The following QKI variants were observed in gnomAD, a reference collection of about 807,000 sequenced individuals.
QKI encodes the protein KH domain-containing RNA-binding protein QKI.
Under a neutral mutation model 39.0 loss-of-function variants are expected in QKI, and 10 were observed. The observed-to-expected ratio is 0.26, with a 90% CI of 0.16 to 0.43. QKI has a LOEUF of 0.43. Among genes scored for constraint, QKI ranks in the 20% least tolerant of loss-of-function variants. QKI has a pLI of 1.00. For missense variants in QKI, 218 were observed against 428.0 expected (o/e 0.51, Z 4.33); for synonymous variants, 204 against 155.4 (o/e 1.31, Z -2.33).
In QKI at chr6:163,501,216, C is replaced by G. The variant is rs1778736949; in HGVS notation, c.402+22320C>G. ...CACTCAAAGTGCTCCCCACCCAACA[C>G]TGGCATGGACTGCTCACTAGGTGGC... On this transcript the variant is annotated intron_variant, in intron 3 of 7. Coordinates refer to ENST00000361752, the MANE Select transcript of QKI (RefSeq NM_006775.3). Among the ~76,000 whole-genome samples the G allele has an allele frequency of 2.0e-5, 3 of 151,796 alleles. No individual in the cohort carries two copies. In the South Asian group the frequency reaches 6.2e-4, roughly 32 times the overall value.
At chr6:163,562,767 T>A (rs1435132038) in intron 5 of QKI, among the ~76,000 whole-genome samples, 2 of 152,192 alleles carry the variant, frequency 1.3e-5, no homozygotes, top group Non-Finnish European at 2.9e-5. Context: ...ATTTTTAAGT[T>A]CTAGCCAGAT....
Position 163,570,754 on chromosome 6 carries a change from T to C in QKI, c.*44T>C. 6.2e-7 allele frequency: 1 copy of C among 1,609,364 alleles called. No homozygotes were observed. Among genetic ancestry groups the C allele is most frequent in the South Asian group, 1.1e-5 (1 of 90,144 alleles). On this transcript the variant is annotated 3_prime_UTR_variant, in exon 8 of 8. Transcript: ENST00000361752. ...CTGAACTCTTCACCCAATGATGACC[T>C]GACCATGCCTGCCTGCTGATCAGTT...
At chr6:163,427,897 C>T (rs1239923103) in intron 1 of QKI, among the ~76,000 whole-genome samples, 3 of 151,914 alleles carry the variant, frequency 2.0e-5, no homozygotes. Context: ...GTAGGGGAAA[C>T]CTCATAGGTA....
intron 2 of QKI, 86 bp downstream of exon 2, chr6:163,455,507 T>TTA: frequency 7.6e-7 from 1 of 1,315,448 alleles, no homozygotes; most frequent in Non-Finnish European, 1.0e-6. Flanking sequence ...TACTTAAGCA[T>TTA]TATTAGCCAC....
chr6:163,486,323 A>C (rs1350517232), intron 3 of QKI, among the ~76,000 whole-genome samples: 2 of 152,202 alleles, frequency 1.3e-5, no homozygotes, highest in Non-Finnish European at 2.9e-5. Flanking sequence ...TTGTTTCCCA[A>C]ATGTATTTGG....
chr6:163,484,371 T>C (rs1317863541), intron 3 of QKI, among the ~76,000 whole-genome samples: 1 of 152,118 alleles, frequency 6.6e-6, no homozygotes, highest in African/African-American at 2.4e-5. Context: ...AGCTAATTTT[T>C]TGTATTTTTA....
intron 1 of QKI, among the ~76,000 whole-genome samples, chr6:163,449,393 A>G (rs573620809): frequency 1.1e-4 from 16 of 152,224 alleles, no homozygotes; most frequent in Non-Finnish European, 1.8e-4. Flanking sequence ...CTCTAGTACA[A>G]TGATAAGGCA....
intron 3 of QKI, among the ~76,000 whole-genome samples, chr6:163,494,209 G>A (rs1031148534): frequency 6.6e-6 from 1 of 152,100 alleles, no homozygotes; most frequent in Non-Finnish European, 1.5e-5. Context: ...AATGATTTAC[G>A]TAGTCTTTGC....
intron 4 of QKI, among the ~76,000 whole-genome samples, chr6:163,535,943 G>T (rs868809716): frequency 6.6e-6 from 1 of 151,860 alleles, no homozygotes; most frequent in African/African-American, 2.4e-5. Context: ...AAAAAGAAAA[G>T]AAAAAACTAG....
At position 163,557,992 on chromosome 6, in the gene QKI, G is replaced by GCT. The variant is rs573642361; in HGVS notation, c.547-3990_547-3989insCT. Among the ~76,000 whole-genome samples, 7 of 152,268 alleles carry GCT rather than the reference G, an allele frequency of 4.6e-5. No individual in the cohort carries two copies. In the South Asian group the frequency reaches 1.5e-3, roughly 32 times the overall value. On this transcript the variant is annotated intron_variant, in intron 4 of 7. Coordinates refer to ENST00000361752, the MANE Select transcript of QKI (RefSeq NM_006775.3). ...ACTTGAGTTCAGTATTACAAAATAT[G>GCT]ATTTTAATGACCCATTTTACAAATG...
rs563335411 is a variant in QKI, at chr6:163,557,818, TA to T, written c.547-4151del. Among the ~76,000 whole-genome samples, 883 of 142,014 alleles carry T rather than the reference TA, an allele frequency of 6.2e-3. 4 individuals are homozygous for T. The highest frequency in any genetic ancestry group is 0.015 in the African/African-American group (578 of 39,460). 93.2% of individuals were successfully genotyped at this position (142,014 alleles called of 152,430 possible). On this transcript the variant is annotated intron_variant, in intron 4 of 7. Transcript: ENST00000361752. ...CACCTACTGTGTGCCCACAAAAACTTAAAAAAAAAAAAAGAAATATCGTGAC... is the reference window on the plus strand; with the variant it reads ...CACCTACTGTGTGCCCACAAAAACTTAAAAAAAAAAAAGAAATATCGTGAC...
intron 3 of QKI, among the ~76,000 whole-genome samples, chr6:163,528,489 T>A (rs1358467550): frequency 6.6e-6 from 1 of 152,146 alleles, no homozygotes; most frequent in South Asian, 2.1e-4. Context: ...CTTGACTAAA[T>A]CATGTTAAAT....
chr6:163,569,051 AAC>A, intron 7 of QKI: 1 of 970,350 alleles, frequency 1.0e-6, no homozygotes, highest in African/African-American at 1.8e-5. Context: ...AGAAACTTTA[AAC>A]AGTTTTAATC....
At chr6:163,481,138 A>T (rs1174128069) in intron 3 of QKI, among the ~76,000 whole-genome samples, 1 of 152,256 alleles carries the variant, frequency 6.6e-6, no homozygotes, top group East Asian at 1.9e-4. Flanking sequence ...TGATGTAAGT[A>T]ATAAAGATAG....
chr6:163,435,772 G>C (rs935530540), intron 1 of QKI, among the ~76,000 whole-genome samples: 1 of 152,106 alleles, frequency 6.6e-6, no homozygotes, highest in African/African-American at 2.4e-5. Flanking sequence ...CAATCTTAAA[G>C]GATATAGAAT....
intron 2 of QKI, among the ~76,000 whole-genome samples, chr6:163,473,896 A>C (rs970641228): frequency 1.4e-4 from 20 of 146,848 alleles, no homozygotes; most frequent in Admixed American, 5.6e-4. Context: ...ATTGTGGGCC[A>C]GTTCTATTTA....
chr6:163,556,144 G>A (rs1324089371), intron 4 of QKI, among the ~76,000 whole-genome samples: 1 of 152,164 alleles, frequency 6.6e-6, no homozygotes, highest in African/African-American at 2.4e-5. Context: ...TAGTGTCTAA[G>A]TCTAGAAAAG....
chr6:163,454,883 A>G (rs1317886187), intron 1 of QKI, among the ~76,000 whole-genome samples: 1 of 152,218 alleles, frequency 6.6e-6, no homozygotes, highest in Non-Finnish European at 1.5e-5. Flanking sequence ...TCTGAAGTAC[A>G]AAAGAGGCTT....
At chr6:163,531,678 TTTA>T (rs1342709386) in intron 3 of QKI, among the ~76,000 whole-genome samples, 2 of 152,352 alleles carry the variant, frequency 1.3e-5, no homozygotes, top group African/African-American at 4.8e-5. Context: ...ATTTTATTTA[TTTA>T]TTTATAATAG....
Sources: allele counts gnomAD v4.1 joint callset (sites outside exome capture counted in the v4.1 genomes callset), GRCh38; gene constraint gnomAD v4.1.1; transcripts MANE v1.5; gene names NCBI Gene and HGNC (gene_info 2026-07-23, HGNC 2026-07-21).